The following POLH variants were observed in gnomAD, a reference collection of about 807,000 sequenced individuals.
POLH encodes DNA polymerase eta.
A neutral mutation model predicts 73.6 loss-of-function variants in POLH; 53 were observed. The ratio of observed to expected loss-of-function variants is 0.72; its 90% CI spans 0.58 to 0.91. The LOEUF is 0.91. Ranked by LOEUF, POLH falls within the 40% of genes least tolerant of loss-of-function variation. POLH has a pLI of 0.00. For synonymous variants in POLH, 292 were observed against 308.5 expected (o/e 0.95, Z 0.56); for missense variants, 768 against 865.4 (o/e 0.89, Z 1.41).
chr6:43,618,654 C>T lies in POLH; in HGVS notation c.*4097C>T, dbSNP rs959756031. 6.6e-6 allele frequency among the ~76,000 whole-genome samples: 1 copy of T among 151,882 alleles called. No homozygotes were observed. Among genetic ancestry groups the T allele is most frequent in the Non-Finnish European group, 1.5e-5 (1 of 67,950 alleles). On this transcript the variant is annotated 3_prime_UTR_variant, in exon 11 of 11. Coordinates refer to ENST00000372236, the MANE Select transcript of POLH (RefSeq NM_006502.3). ...CCCAAACTTCTATTTTTTTATGTGA[C>T]GGAGTTTCTCTCATCGCCCCGGCTG...
chr6:43,583,193 C>T (rs780700734), intron 3 of POLH, 52 bp downstream of exon 3: 1 of 1,528,362 alleles, frequency 6.5e-7, no homozygotes. Context: ...AAATAATACT[C>T]CATGAGGCTA....
chr6:43,585,637 CT>C (rs1208848737), intron 3 of POLH, among the ~76,000 whole-genome samples: 2,415 of 107,368 alleles, frequency 0.022, 21 homozygotes, highest in Non-Finnish European at 0.031. Context: ...TCTTTCTTTT[CT>C]TTTTTTTTTT....
intron 4 of POLH, among the ~76,000 whole-genome samples, chr6:43,596,616 A>G (rs951102004): frequency 1.3e-5 from 2 of 152,264 alleles, no homozygotes; most frequent in African/African-American, 4.8e-5. Flanking sequence ...ATAAGCCAAT[A>G]TTAATGTGGA....
At chr6:43,608,588 T>G (rs757790842) in intron 9 of POLH, among the ~76,000 whole-genome samples, 7 of 152,214 alleles carry the variant, frequency 4.6e-5, no homozygotes, top group Non-Finnish European at 1.0e-4. Flanking sequence ...TAATACAACC[T>G]TAGCTCACTG....
rs1768536578 is a variant in POLH, at chr6:43,619,070, G to C, written c.*4513G>C. The stretch of plus-strand genomic sequence containing the variant: ...AATATTTTCTGCTTTTATGATACTT[G>C]AATATCTAATAAAAGACAATATTTA... On this transcript the variant is annotated 3_prime_UTR_variant, in exon 11 of 11. Coordinates refer to ENST00000372236, the MANE Select transcript of POLH (RefSeq NM_006502.3). Among the ~76,000 whole-genome samples the C allele has an allele frequency of 6.6e-6, 1 of 151,582 alleles. No homozygotes were observed. The highest frequency in any genetic ancestry group is 1.5e-5 in the Non-Finnish European group (1 of 67,944).
chr6:43,580,689 G>A (rs1582265889), intron 1 of POLH, among the ~76,000 whole-genome samples: 1 of 139,830 alleles, frequency 7.2e-6, no homozygotes, highest in South Asian at 2.2e-4. Context: ...CCTCCCTCCC[G>A]GACTGGGCGG....
chr6:43,607,385 G>T (rs76770158), intron 9 of POLH, among the ~76,000 whole-genome samples: 5,462 of 152,280 alleles, frequency 0.036, 344 homozygotes, highest in African/African-American at 0.12. Flanking sequence ...GAGCCACTGC[G>T]CCCGGCCAGG....
intron 3 of POLH, among the ~76,000 whole-genome samples, chr6:43,584,407 A>T (rs1764591588): frequency 6.6e-6 from 1 of 152,160 alleles, no homozygotes; most frequent in South Asian, 2.1e-4. Context: ...TTTTCCAAAT[A>T]CTCTTAAAAA....
rs1262815708 is a variant in POLH at position 43,618,514 on chromosome 6, G to A, written c.*3957G>A. On this transcript the variant is annotated 3_prime_UTR_variant, in exon 11 of 11. Transcript: ENST00000372236. ...AAAAGTCAGCTCTTTTGGCTTTTCT[G>A]TTATGGGGAAACTTGAATTACACAG... 6.6e-6 allele frequency among the ~76,000 whole-genome samples: 1 copy of A among 152,158 alleles called. No homozygotes were observed. The highest frequency in any genetic ancestry group is 1.9e-4 in the East Asian group (1 of 5,194).
chr6:43,579,944 G>A (rs1763829173), intron 1 of POLH, among the ~76,000 whole-genome samples: 1 of 145,192 alleles, frequency 6.9e-6, no homozygotes, highest in South Asian at 2.2e-4. Flanking sequence ...TAATTCTTGG[G>A]TGTTTCTCAC....
At position 43,600,284 on chromosome 6, in the gene POLH, G is replaced by T. The variant is rs560211672; in HGVS notation, c.661-704G>T. Among the ~76,000 whole-genome samples the T allele has an allele frequency of 2.6e-5, 4 of 152,250 alleles. No homozygotes were observed. The South Asian group carries it at 8.3e-4, about 32-fold the overall frequency. On this transcript the variant is annotated intron_variant, in intron 5 of 10. Coordinates refer to ENST00000372236, the MANE Select transcript of POLH (RefSeq NM_006502.3). ...AATACAAAAATTAGCTGGACATGGTGGCGCACACCTGTAGTCCCAGCTACT... is the reference window on the plus strand; with the variant it reads ...AATACAAAAATTAGCTGGACATGGTTGCGCACACCTGTAGTCCCAGCTACT...
intron 1 of POLH, among the ~76,000 whole-genome samples, chr6:43,577,058 A>G (rs950302443): frequency 6.6e-6 from 1 of 152,178 alleles, no homozygotes; most frequent in African/African-American, 2.4e-5. Flanking sequence ...GCGCGCCTGT[A>G]ATCCCAGCTA....
In POLH at chr6:43,613,428, T is replaced by C. The variant is rs9333553; in HGVS notation, c.1245-232T>C. 4.8e-3 allele frequency among the ~76,000 whole-genome samples: 724 copies of C among 152,290 alleles called. 9 individuals carry two copies. The highest frequency in any genetic ancestry group is 0.017 in the African/African-American group (705 of 41,552). On this transcript the variant is annotated intron_variant, in intron 10 of 10. Transcript: ENST00000372236. The stretch of plus-strand genomic sequence containing the variant: ...CTCAAGACATAACATCAGCATCACC[T>C]AGGAAATTAAATTCTCTGTCATCCC...
chr6:43,605,404 C>T (rs573883331), intron 9 of POLH, 85 bp downstream of exon 9: 97 of 639,454 alleles, frequency 1.5e-4, no homozygotes, highest in Non-Finnish European at 2.5e-4. Flanking sequence ...GGAACAAAGA[C>T]AGAAAAAAGT....
chr6:43,577,604 G>T (rs1411634075), intron 1 of POLH, among the ~76,000 whole-genome samples: 1 of 151,476 alleles, frequency 6.6e-6, no homozygotes, highest in Non-Finnish European at 1.5e-5. Flanking sequence ...CTTTGCAGTT[G>T]TAAGACGTTT....
intron 6 of POLH, among the ~76,000 whole-genome samples, chr6:43,601,473 C>T (rs574732940): frequency 3.6e-4 from 55 of 152,036 alleles, no homozygotes; most frequent in African/African-American, 1.2e-3. Flanking sequence ...ACCATGTTGG[C>T]CAGGCAAATC....
chr6:43,583,115 G>T lies in POLH; in HGVS notation c.246G>T (p.Glu82Asp), dbSNP rs77759052. The T allele has an allele frequency of 5.0e-6, 8 of 1,613,966 alleles. No homozygotes were observed. In the East Asian group the frequency reaches 1.6e-4, roughly 31 times the overall value. The stretch of plus-strand genomic sequence containing the variant: ...ATCTTCTACTGGCACAAGTTCGTGA[G>T]TCCCGTGGGAAAGCTAACCTCACCA... ...CPDLLLAQVR[E>D]SRGKANLTKY... Residue 82 changes from glutamate to aspartate, a missense_variant, in exon 3 of 11, where the codon GAG becomes GAT. Transcript: ENST00000372236.
intron 10 of POLH, among the ~76,000 whole-genome samples, chr6:43,612,874 T>G (rs1182447076): frequency 6.7e-6 from 1 of 149,966 alleles, no homozygotes; most frequent in Non-Finnish European, 1.5e-5. Flanking sequence ...CAATCTCCGC[T>G]CACTGCAACC....
chr6:43,596,482 C>CA (rs1384997440), intron 4 of POLH, among the ~76,000 whole-genome samples: 274 of 138,570 alleles, frequency 2.0e-3, no homozygotes, highest in African/African-American at 6.1e-3. Flanking sequence ...GACTTCGTCT[C>CA]AAAAAAAAAA....
Sources: gnomAD v4.1 joint callset for allele counts (sites outside exome capture counted in the v4.1 genomes callset) on GRCh38, gnomAD v4.1.1 for gene constraint, MANE v1.5 for transcripts, NCBI Gene and HGNC (gene_info 2026-07-23, HGNC 2026-07-21) for gene names.